The following SERINC2 variants were observed in gnomAD, a reference collection of about 807,000 sequenced individuals.
SERINC2 encodes serine incorporator 2, also known as tumor differentially expressed protein 2.
Under a neutral mutation model 54.2 loss-of-function variants are expected in SERINC2, and 56 were observed. The ratio of observed to expected loss-of-function variants is 1.03; its 90% CI spans 0.83 to 1.29. The LOEUF (loss-of-function observed/expected upper bound fraction) is 1.29. Among genes scored for constraint, SERINC2 ranks in the 50% most tolerant of loss-of-function variants. SERINC2 has a pLI of 0.00. For missense variants in SERINC2, 614 were observed against 607.4 expected, an observed-to-expected ratio of 1.01 and a Z score of -0.12; for synonymous variants, 272 against 253.1, an observed-to-expected ratio of 1.07 and a Z score of -0.71.
intron 5 of SERINC2, among the ~76,000 whole-genome samples, 182 bp from the exon 6 acceptor site, chr1:31,426,472 T>A (rs1249831130): frequency 1.3e-5 from 2 of 152,188 alleles, no homozygotes; most frequent in Non-Finnish European, 1.5e-5. Flanking sequence ...TGAATCATGT[T>A]AGCTCAGGGT....
chr1:31,431,841 T>TAGGGTGGACAGGGTGGACAGGGTGGAC (rs1557499976), intron 8 of SERINC2, among the ~76,000 whole-genome samples: 1 of 36,030 alleles, frequency 2.8e-5, no homozygotes, highest in Non-Finnish European at 8.2e-5. Context: ...ATAGGGTGGA[T>TAGGGTGGACAGGGTGGACAGGGTGGAC]AGGGTGGATA....
In SERINC2 at chr1:31,433,058, G is replaced by GA. The variant is rs1553135050; in HGVS notation, c.1105_1106insA (p.Val369AspfsTer5). 5.8e-6 allele frequency: 7 copies of GA among 1,203,328 alleles called. No individual in the cohort carries two copies. Among genetic ancestry groups the GA allele is most frequent in the African/African-American group, 1.6e-5 (1 of 61,432 alleles). 74.5% of individuals were successfully genotyped at this position (1,203,328 alleles called of 1,614,324 possible). ...AGACGCCACACAGCAGCAGCAGCAG[G>GA]TGGCAGCCTGTGAGGGCCGGGCCTT... On this transcript the variant is annotated frameshift_variant, in exon 9 of 10. Coordinates refer to ENST00000373709, the MANE Select transcript of SERINC2 (RefSeq NM_178865.5). LOFTEE classifies it high-confidence loss of function.
rs1435391007 is a variant in SERINC2, at chr1:31,432,874, T to G, written c.1014-93T>G. On this transcript the variant is annotated intron_variant, in intron 8 of 9. Transcript: ENST00000373709. ...TTAACTCCCAGGCCCAGTAACCGGG[T>G]CGCTGGCCTCTGAGGCTCTGGGACC... 6 of 948,228 alleles carry G rather than the reference T, an allele frequency of 6.3e-6. No homozygotes were observed. The East Asian group carries it at 7.9e-5, about 13-fold the overall frequency. 58.7% of individuals were successfully genotyped at this position (948,228 alleles called of 1,614,324 possible). A position where few individuals can be genotyped will look rare whatever the true frequency, so the allele number is the denominator to read the frequency against.
chr1:31,420,325 G>T (rs1258387718), intron 1 of SERINC2, among the ~76,000 whole-genome samples: 3 of 152,144 alleles, frequency 2.0e-5, no homozygotes, highest in Non-Finnish European at 4.4e-5. Context: ...CAGGCATTAG[G>T]AACACCTGGA....
At chr1:31,432,094 AGGGT>A (rs1641283820) in intron 8 of SERINC2, among the ~76,000 whole-genome samples, 2 of 125,932 alleles carry the variant, frequency 1.6e-5, no homozygotes, top group African/African-American at 3.3e-5. Flanking sequence ...TAGGGTGGAC[AGGGT>A]GGACAGGGTG....
At chr1:31,410,002 T>C, upstream of SERINC2, 1 of 969,646 alleles carries the variant, frequency 1.0e-6, no homozygotes, top group Non-Finnish European at 1.5e-6. Flanking sequence ...TCTGCTTCCT[T>C]TGGGAACTGG....
chr1:31,412,100 C>T (rs1181405476), upstream of SERINC2, among the ~76,000 whole-genome samples: 2 of 151,014 alleles, frequency 1.3e-5, no homozygotes, highest in African/African-American at 4.9e-5. Flanking sequence ...AGTCCTGGTG[C>T]AATTAATGGC....
chr1:31,432,097 G>A (rs1553134703), intron 8 of SERINC2, among the ~76,000 whole-genome samples: 42 of 128,346 alleles, frequency 3.3e-4, no homozygotes, highest in Non-Finnish European at 5.1e-4. Flanking sequence ...GGTGGACAGG[G>A]TGGACAGGGT....
intron 7 of SERINC2, 144 bp downstream of exon 7, chr1:31,429,212 G>T: frequency 1.0e-6 from 1 of 990,148 alleles, no homozygotes; most frequent in Non-Finnish European, 1.5e-6. Flanking sequence ...GAGATGGGAG[G>T]GCCCCGTCTG....
chr1:31,413,207 GA>G, upstream of SERINC2: 5 of 1,076,360 alleles, frequency 4.6e-6, no homozygotes, highest in Non-Finnish European at 5.6e-6. This position sits in a 1 kb window ranked among gnomAD's most constrained non-coding sequence, Gnocchi z 5.0. Context: ...CCGGCACCCG[GA>G]TCCCGAGGTC....
chr1:31,412,695 G>A (rs12756930), upstream of SERINC2, among the ~76,000 whole-genome samples: 1 of 152,176 alleles, frequency 6.6e-6, no homozygotes, highest in South Asian at 2.1e-4. Context: ...AAACAGTGAC[G>A]ATGGGGGCTT....
chr1:31,433,266 G>T, intron 9 of SERINC2, 81 bp downstream of exon 9: 2 of 1,231,676 alleles, frequency 1.6e-6, no homozygotes, highest in Non-Finnish European at 2.4e-6. Flanking sequence ...CCTTCACTGG[G>T]TTTTCCTGAT....
At chr1:31,422,481 G>A (rs1640927078) in intron 1 of SERINC2, among the ~76,000 whole-genome samples, 1 of 152,062 alleles carries the variant, frequency 6.6e-6, no homozygotes, top group Admixed American at 6.5e-5. Context: ...CAGCTTAAAA[G>A]TCACTTCTTC....
At chr1:31,432,083 TTAGGGTGGAC>T (rs1641279615) in intron 8 of SERINC2, among the ~76,000 whole-genome samples, 1 of 19,400 alleles carries the variant, frequency 5.2e-5, no homozygotes, top group African/African-American at 2.8e-4. Flanking sequence ...GACAGGGTGG[TTAGGGTGGAC>T]AGGGTGGACA....
upstream of SERINC2, chr1:31,410,278 G>C: frequency 2.0e-6 from 3 of 1,502,932 alleles, no homozygotes; most frequent in Middle Eastern, 1.8e-4. Flanking sequence ...AGGCTGATGG[G>C]CTGGCCAGGA....
At chr1:31,432,118 G>GA (rs1641290258) in intron 8 of SERINC2, among the ~76,000 whole-genome samples, 3 of 125,830 alleles carry the variant, frequency 2.4e-5, no homozygotes, top group Non-Finnish European at 3.4e-5. Flanking sequence ...GGATAGGGTG[G>GA]TTAGGGTGGA....
intron 8 of SERINC2, 133 bp downstream of exon 8, chr1:31,429,671 T>A: frequency 9.8e-7 from 1 of 1,018,990 alleles, no homozygotes; most frequent in Non-Finnish European, 1.4e-6. Flanking sequence ...TCTTGCATTG[T>A]GCGGGAGGGG....
chr1:31,432,275 G>T (rs1641321436), intron 8 of SERINC2, among the ~76,000 whole-genome samples: 1 of 151,828 alleles, frequency 6.6e-6, no homozygotes, highest in Non-Finnish European at 1.5e-5. Flanking sequence ...AATTTGCTGG[G>T]GTGGCGGGGC....
At chr1:31,414,419 GGTTGTGTGTGTGTGTGT>G in intron 1 of SERINC2, 1 of 1,146,292 alleles carries the variant, frequency 8.7e-7, no homozygotes, top group Non-Finnish European at 1.1e-6. Context: ...GTCCCTGACG[GGTTGTGTGTGTGTGTGT>G]GTGTGTGTGT....
Sources: gnomAD v4.1 joint callset for allele counts (sites outside exome capture counted in the v4.1 genomes callset) on GRCh38, gnomAD v4.1.1 for gene constraint, Gnocchi (gnomAD v3.1) non-coding constraint, MANE v1.5 for transcripts, NCBI Gene and HGNC (gene_info 2026-07-23, HGNC 2026-07-21) for gene names.